The following CDH20 variants were observed in gnomAD, a reference collection of about 807,000 sequenced individuals.
CDH20 encodes cadherin 20.
In CDH20, 29 loss-of-function variants were observed where a neutral mutation model predicts 74.2. That is an observed-to-expected ratio of 0.39 (90% CI 0.29 to 0.53). CDH20 has a LOEUF of 0.53. CDH20 is among the 20% of genes least tolerant of loss of function. The probability of loss-of-function intolerance (pLI) is 0.69; values close to 1 mark genes in which losing one functional copy is unlikely to be tolerated. For missense variants in CDH20, 988 were observed against 1,048.3 expected (o/e 0.94, Z 0.79); for synonymous variants, 469 against 405.4 (o/e 1.16, Z -1.88).
At chr18:61,534,181 A>G (rs1912745471) in intron 7 of CDH20, among the ~76,000 whole-genome samples, 1 of 152,256 alleles carries the variant, frequency 6.6e-6, no homozygotes, top group African/African-American at 2.4e-5. Context: ...TAAAACCACA[A>G]TGAGATATCA....
At chr18:61,520,871 G>A (rs942885397) in intron 6 of CDH20, among the ~76,000 whole-genome samples, 1 of 150,566 alleles carries the variant, frequency 6.6e-6, no homozygotes, top group African/African-American at 2.5e-5. Flanking sequence ...GCAGAAATAA[G>A]CTTCTTTGAA....
chr18:61,339,250 ATTATCTCTGAAT>A (rs1356006181), intron 1 of CDH20, among the ~76,000 whole-genome samples: 1 of 152,042 alleles, frequency 6.6e-6, no homozygotes, highest in Non-Finnish European at 1.5e-5. Flanking sequence ...AAAAAGTGGT[ATTATCTCTGAAT>A]TACTATTTAC....
intron 1 of CDH20, among the ~76,000 whole-genome samples, chr18:61,405,908 C>G (rs1912315265): frequency 6.6e-6 from 1 of 152,212 alleles, no homozygotes; most frequent in South Asian, 2.1e-4. Context: ...TCTCAACGGT[C>G]TTGCAGAAGG....
chr18:61,347,039 G>C (rs930303881), intron 1 of CDH20, among the ~76,000 whole-genome samples: 89 of 151,796 alleles, frequency 5.9e-4, no homozygotes, highest in African/African-American at 2.1e-3. Flanking sequence ...CTTGCTTTCT[G>C]TTCCTTTATA....
At chr18:61,430,556 A>G (rs557064691) in intron 1 of CDH20, among the ~76,000 whole-genome samples, 3 of 152,286 alleles carry the variant, frequency 2.0e-5, no homozygotes, top group African/African-American at 7.2e-5. Context: ...TATGCTCCAC[A>G]TCTCTGAAAG....
intron 10 of CDH20, among the ~76,000 whole-genome samples, chr18:61,549,665 C>T (rs1400337716): frequency 6.6e-6 from 1 of 152,132 alleles, no homozygotes; most frequent in Non-Finnish European, 1.5e-5. Flanking sequence ...CAAGCTTTCC[C>T]AGGGACATTT....
chr18:61,381,626 G>C (rs1000269987), intron 1 of CDH20, among the ~76,000 whole-genome samples: 1 of 152,198 alleles, frequency 6.6e-6, no homozygotes, highest in African/African-American at 2.4e-5. Flanking sequence ...TTTCAAGAGA[G>C]ACAAAAGGGA....
intron 4 of CDH20, among the ~76,000 whole-genome samples, chr18:61,502,224 A>G (rs888313221): frequency 6.6e-6 from 1 of 152,148 alleles, no homozygotes; most frequent in Non-Finnish European, 1.5e-5. Context: ...GGATCACAAC[A>G]CATTTCAACG....
intron 1 of CDH20, among the ~76,000 whole-genome samples, chr18:61,468,232 C>T (rs1225014237): frequency 1.3e-5 from 2 of 152,192 alleles, no homozygotes; most frequent in African/African-American, 2.4e-5. Flanking sequence ...GTCAAAATTG[C>T]ATGGTTTGCC....
intron 9 of CDH20, among the ~76,000 whole-genome samples, chr18:61,542,362 G>A (rs1350123925): frequency 1.3e-5 from 2 of 152,196 alleles, no homozygotes; most frequent in South Asian, 2.1e-4. Flanking sequence ...GTCTCCAGGA[G>A]GCATACCCTG....
chr18:61,407,013 A>G (rs1912351387), intron 1 of CDH20, among the ~76,000 whole-genome samples: 1 of 152,248 alleles, frequency 6.6e-6, no homozygotes, highest in African/African-American at 2.4e-5. Flanking sequence ...ACCATGTGGT[A>G]CATACTTGCC....
intron 1 of CDH20, among the ~76,000 whole-genome samples, chr18:61,421,812 C>A (rs1912890307): frequency 6.6e-6 from 1 of 152,036 alleles, no homozygotes; most frequent in Non-Finnish European, 1.5e-5. Flanking sequence ...AATCATGAGT[C>A]TTGCTTTTCC....
intron 1 of CDH20, among the ~76,000 whole-genome samples, chr18:61,366,271 C>A (rs1910857524): frequency 6.6e-6 from 1 of 152,082 alleles, no homozygotes; most frequent in South Asian, 2.1e-4. Flanking sequence ...AAACCAACAT[C>A]ATTAGTGTGG....
chr18:61,510,535 C>A (rs1339787918), intron 6 of CDH20, among the ~76,000 whole-genome samples: 1 of 152,194 alleles, frequency 6.6e-6, no homozygotes, highest in Non-Finnish European at 1.5e-5. Context: ...TTTGATAGAA[C>A]TGAATTAACA....
chr18:61,352,167 G>C (rs902772693), intron 1 of CDH20, among the ~76,000 whole-genome samples: 1 of 152,112 alleles, frequency 6.6e-6, no homozygotes, highest in Non-Finnish European at 1.5e-5. Context: ...TAATGAACTG[G>C]AAACATGAAG....
intron 1 of CDH20, among the ~76,000 whole-genome samples, chr18:61,444,305 G>T (rs1909127410): frequency 6.6e-6 from 1 of 152,112 alleles, no homozygotes; most frequent in Non-Finnish European, 1.5e-5. Context: ...TATAAGACAG[G>T]TGTATACATT....
At chr18:61,549,758 T>C in intron 10 of CDH20, 1 of 550,850 alleles carries the variant, frequency 1.8e-6, no homozygotes, top group Non-Finnish European at 3.2e-6. Context: ...AAAGAGGCTT[T>C]CTCTTCTTAG....
intron 1 of CDH20, among the ~76,000 whole-genome samples, chr18:61,422,255 T>C (rs546012835): frequency 1.1e-4 from 16 of 152,296 alleles, no homozygotes; most frequent in Admixed American, 9.8e-4. Flanking sequence ...CGAATACAGC[T>C]GCAGGGAAAG....
chr18:61,395,838 T>A (rs528508104), intron 1 of CDH20, among the ~76,000 whole-genome samples: 1 of 152,108 alleles, frequency 6.6e-6, no homozygotes, highest in African/African-American at 2.4e-5. Flanking sequence ...ATCGCGACCA[T>A]CCTGGCCAAC....
Sources: allele counts gnomAD v4.1 joint callset (sites outside exome capture counted in the v4.1 genomes callset), GRCh38; gene constraint gnomAD v4.1.1; transcripts MANE v1.5; gene names NCBI Gene and HGNC (gene_info 2026-07-23, HGNC 2026-07-21).